GRM8: variants seen among roughly 807,000 people sequenced by gnomAD.
The protein encoded by GRM8 is glutamate metabotropic receptor 8, also known as metabotropic glutamate receptor 8.
Under a neutral mutation model 87.2 loss-of-function variants are expected in GRM8, and 47 were observed. The observed-to-expected ratio is 0.54, with a 90% confidence interval of 0.43 to 0.69. The LOEUF (loss-of-function observed/expected upper bound fraction) is 0.69, where lower values mean the gene tolerates loss of function less well. Among genes scored for constraint, GRM8 ranks in the 30% least tolerant of loss-of-function variants. The pLI is 0.00. For missense variants in GRM8, 1,019 were observed against 1,139.2 expected, an observed-to-expected ratio of 0.89 and a Z score of 1.52; for synonymous variants, 396 against 404.5, an observed-to-expected ratio of 0.98 and a Z score of 0.25.
intron 8 of GRM8, among the ~76,000 whole-genome samples, chr7:126,548,838 G>A (rs533713372): frequency 2.0e-5 from 3 of 152,262 alleles, no homozygotes; most frequent in African/African-American, 7.2e-5. Context: ...AGTACTAGGG[G>A]CTGCCATCTT....
At chr7:126,578,003 C>CA (rs961523293) in intron 8 of GRM8, among the ~76,000 whole-genome samples, 1 of 152,114 alleles carries the variant, frequency 6.6e-6, no homozygotes, top group African/African-American at 2.4e-5. Context: ...TAGTGTAAAT[C>CA]AATCAAACTG....
intron 6 of GRM8, among the ~76,000 whole-genome samples, chr7:126,825,336 G>C (rs912106749): frequency 6.6e-6 from 1 of 152,080 alleles, no homozygotes; most frequent in Non-Finnish European, 1.5e-5. Flanking sequence ...AAAGTGCTGG[G>C]ATTACAGGCA....
intron 3 of GRM8, among the ~76,000 whole-genome samples, chr7:126,913,729 A>G (rs762168116): frequency 1.3e-5 from 2 of 152,222 alleles, no homozygotes; most frequent in Non-Finnish European, 2.9e-5. Flanking sequence ...TATGGTTTAA[A>G]TAAGTGTAAT....
At chr7:126,945,460 G>A (rs530440926) in intron 3 of GRM8, among the ~76,000 whole-genome samples, 2 of 152,260 alleles carry the variant, frequency 1.3e-5, no homozygotes, top group African/African-American at 4.8e-5. Context: ...CCATCATGGT[G>A]TCACAAGTAG....
At chr7:126,516,880 C>T (rs991358889) in intron 9 of GRM8, among the ~76,000 whole-genome samples, 1 of 151,750 alleles carries the variant, frequency 6.6e-6, no homozygotes, top group African/African-American at 2.4e-5. Flanking sequence ...TCAAATACTG[C>T]AAATATATGA....
chr7:127,198,414 C>T (rs565253621), intron 2 of GRM8, among the ~76,000 whole-genome samples: 3 of 152,246 alleles, frequency 2.0e-5, no homozygotes, highest in East Asian at 3.9e-4. Flanking sequence ...CTCACCTGAG[C>T]GAGTTTCCTA....
chr7:127,036,918 C>T (rs898277578), intron 3 of GRM8, among the ~76,000 whole-genome samples: 3 of 152,148 alleles, frequency 2.0e-5, no homozygotes, highest in African/African-American at 7.2e-5. Context: ...TTATAGTCAT[C>T]TTAATCTTGC....
intron 6 of GRM8, among the ~76,000 whole-genome samples, chr7:126,787,488 C>T (rs1486959720): frequency 6.6e-6 from 1 of 152,144 alleles, no homozygotes; most frequent in Non-Finnish European, 1.5e-5. Flanking sequence ...CTATGTATTA[C>T]TCTATTAATG....
At chr7:126,592,172 C>A (rs1353028078) in intron 8 of GRM8, among the ~76,000 whole-genome samples, 2 of 150,476 alleles carry the variant, frequency 1.3e-5, no homozygotes, top group African/African-American at 4.9e-5. Context: ...AGCCCAGAAC[C>A]TGATGGCTTC....
At chr7:126,840,516 A>G (rs1191225976) in intron 6 of GRM8, among the ~76,000 whole-genome samples, 1 of 152,134 alleles carries the variant, frequency 6.6e-6, no homozygotes, top group Non-Finnish European at 1.5e-5. Context: ...CATTCATTAT[A>G]TTGTTATCAT....
chr7:126,924,468 C>T (rs1258646312), intron 3 of GRM8, among the ~76,000 whole-genome samples: 2 of 152,150 alleles, frequency 1.3e-5, no homozygotes, highest in African/African-American at 2.4e-5. Flanking sequence ...TACAGTAACT[C>T]GTGCAACATC....
At chr7:126,819,519 A>C (rs1303900461) in intron 6 of GRM8, among the ~76,000 whole-genome samples, 1 of 152,196 alleles carries the variant, frequency 6.6e-6, no homozygotes, top group African/African-American at 2.4e-5. Flanking sequence ...CTCTTTGATA[A>C]ATATTCATCA....
intron 7 of GRM8, among the ~76,000 whole-genome samples, chr7:126,643,152 T>C (rs1055552898): frequency 6.6e-6 from 1 of 151,038 alleles, no homozygotes; most frequent in Admixed American, 6.6e-5. Flanking sequence ...TGGCTGGGCA[T>C]GGTGAAGCAT....
intron 2 of GRM8, among the ~76,000 whole-genome samples, chr7:127,194,341 C>T (rs1323330174): frequency 6.6e-6 from 1 of 152,136 alleles, no homozygotes; most frequent in East Asian, 1.9e-4. Flanking sequence ...TAAGCTAATA[C>T]ACAGGTGAGA....
chr7:126,858,337 C>A (rs537514323), intron 6 of GRM8, among the ~76,000 whole-genome samples: 1 of 152,242 alleles, frequency 6.6e-6, no homozygotes, highest in Non-Finnish European at 1.5e-5. Context: ...AAATTTACTC[C>A]TATTTCTCTT....
Position 126,922,091 on chromosome 7 carries a change from T to A in GRM8, c.728-17408A>T, listed in dbSNP as rs527323145. Among the ~76,000 whole-genome samples, 10 of 152,294 alleles carry A rather than the reference T, an allele frequency of 6.6e-5. No homozygotes were observed. The South Asian group carries it at 2.1e-3, about 32-fold the overall frequency. On this transcript the variant is annotated intron_variant, in intron 3 of 10. Transcript: ENST00000339582. The stretch of plus-strand genomic sequence containing the variant: ...GGTGTTTGGATATACTGAAAGGATA[T>A]GTACAGTTCTGTCAAAGTTTGAGGA...
At chr7:126,744,297 T>C (rs552946326) in intron 7 of GRM8, among the ~76,000 whole-genome samples, 1 of 152,034 alleles carries the variant, frequency 6.6e-6, no homozygotes, top group Non-Finnish European at 1.5e-5. Flanking sequence ...CTTGGGTGTT[T>C]GGAAGATTTT....
chr7:126,618,407 C>T (rs1028925802), intron 7 of GRM8, among the ~76,000 whole-genome samples: 4 of 152,132 alleles, frequency 2.6e-5, no homozygotes, highest in African/African-American at 9.7e-5. Context: ...AATGTTAGAC[C>T]TAAAACCATA....
At chr7:126,439,825 A>AGTGT (rs57638512) in intron 10 of GRM8, among the ~76,000 whole-genome samples, 3,864 of 142,610 alleles carry the variant, frequency 0.027, 93 homozygotes, top group African/African-American at 0.057. Flanking sequence ...GGCCTAGGCT[A>AGTGT]GTGTGTGTGT....
Sources: gnomAD v4.1 joint callset for allele counts (sites outside exome capture counted in the v4.1 genomes callset) on GRCh38, gnomAD v4.1.1 for gene constraint, MANE v1.5 for transcripts, NCBI Gene and HGNC (gene_info 2026-07-23, HGNC 2026-07-21) for gene names.